Variants in CADM2 observed in about 807,000 individuals in gnomAD.
CADM2 encodes immunoglobulin superfamily member 4D.
In CADM2, 12 loss-of-function variants were observed where a neutral mutation model predicts 49.8. The ratio of observed to expected loss-of-function variants is 0.24; its 90% CI spans 0.15 to 0.39. The LOEUF is 0.39. CADM2 is among the 10% of genes least tolerant of loss of function. The pLI is 1.00. For synonymous variants in CADM2, 214 were observed against 175.4 expected (o/e 1.22, Z -1.74); for missense variants, 378 against 492.3 (o/e 0.77, Z 2.20).
intron 1 of CADM2, among the ~76,000 whole-genome samples, chr3:85,042,851 G>A (rs1298345502): frequency 6.6e-6 from 1 of 152,072 alleles, no homozygotes; most frequent in East Asian, 1.9e-4. Flanking sequence ...CTTTGGTTGA[G>A]TCTAAGAACC....
chr3:85,239,003 A>T (rs145099410), intron 1 of CADM2, among the ~76,000 whole-genome samples: 1 of 151,810 alleles, frequency 6.6e-6, no homozygotes, highest in East Asian at 1.9e-4. Context: ...TTGAAGTGTT[A>T]TATGCTTTTT....
intron 1 of CADM2, among the ~76,000 whole-genome samples, chr3:85,288,812 G>T (rs2043703590): frequency 1.6e-5 from 2 of 128,342 alleles, no homozygotes; most frequent in Admixed American, 1.1e-4. Context: ...TTTCCATCAT[G>T]GCTAATTTCT....
At chr3:85,446,028 A>G (rs180976928) in intron 1 of CADM2, among the ~76,000 whole-genome samples, 2 of 152,268 alleles carry the variant, frequency 1.3e-5, no homozygotes, top group East Asian at 3.9e-4. Flanking sequence ...AGGTGTATGT[A>G]CACTAGATAG....
intron 6 of CADM2, among the ~76,000 whole-genome samples, chr3:85,933,780 C>T (rs1720878243): frequency 6.6e-6 from 1 of 152,036 alleles, no homozygotes; most frequent in South Asian, 2.1e-4. Flanking sequence ...CCCAAGGTTT[C>T]CATTCTATTC....
intron 4 of CADM2, among the ~76,000 whole-genome samples, chr3:85,884,955 CG>C (rs1713363409): frequency 6.7e-6 from 1 of 149,070 alleles, no homozygotes; most frequent in African/African-American, 2.5e-5. Flanking sequence ...AAGATGGTCT[CG>C]ATCACTTGAC....
Position 84,959,077 on chromosome 3 carries a change from C to T in CADM2, c.-531C>T. ...GGAGCCGCCACTGCCGCCGCCGCTG[C>T]CGCTGCTACCGCCACTAGCGCTGCT... On this transcript the variant is annotated 5_prime_UTR_variant, in exon 1 of 10. Transcript: ENST00000383699. 5.0e-6 allele frequency: 1 copy of T among 201,374 alleles called. No individual in the cohort carries two copies. The highest frequency in any genetic ancestry group is 1.0e-5 in the Non-Finnish European group (1 of 100,290). The allele number at this position is 201,374 out of a possible 1,614,324, so 12.5% of individuals were successfully genotyped here.
chr3:85,022,969 T>G (rs1444766826), intron 1 of CADM2, among the ~76,000 whole-genome samples: 1 of 152,086 alleles, frequency 6.6e-6, no homozygotes, highest in Non-Finnish European at 1.5e-5. Flanking sequence ...ATACAAGTCT[T>G]TATAGTTATG....
At chr3:85,324,403 G>T (rs940204967) in intron 1 of CADM2, among the ~76,000 whole-genome samples, 1 of 152,090 alleles carries the variant, frequency 6.6e-6, no homozygotes, top group Non-Finnish European at 1.5e-5. Flanking sequence ...TCTTCTTAAT[G>T]ATTGTATCAA....
intron 1 of CADM2, among the ~76,000 whole-genome samples, chr3:85,719,252 C>A (rs1254716692): frequency 6.6e-6 from 1 of 152,238 alleles, no homozygotes; most frequent in East Asian, 1.9e-4. Context: ...ATGCAATTAT[C>A]AATGGGTAGC....
At chr3:85,453,822 TCA>T (rs2037864790) in intron 1 of CADM2, among the ~76,000 whole-genome samples, 1 of 152,160 alleles carries the variant, frequency 6.6e-6, no homozygotes, top group African/African-American at 2.4e-5. Context: ...AAACTAATAG[TCA>T]CAATTTTTGC....
intron 1 of CADM2, among the ~76,000 whole-genome samples, chr3:84,966,003 G>A (rs1030868668): frequency 6.6e-6 from 1 of 152,096 alleles, no homozygotes; most frequent in African/African-American, 2.4e-5. Context: ...CAGATAAAAG[G>A]AACTAACGTA....
At chr3:85,032,773 C>T (rs761937172) in intron 1 of CADM2, among the ~76,000 whole-genome samples, 1 of 152,010 alleles carries the variant, frequency 6.6e-6, no homozygotes, top group Non-Finnish European at 1.5e-5. Context: ...ACTATACGAG[C>T]ATTCCTGCAT....
At chr3:85,811,501 C>G (rs1458736411) in intron 3 of CADM2, among the ~76,000 whole-genome samples, 1 of 152,194 alleles carries the variant, frequency 6.6e-6, no homozygotes, top group African/African-American at 2.4e-5. Context: ...TCGCAGCTCA[C>G]TGATATTTGA....
chr3:85,584,454 G>T (rs2062881362), intron 1 of CADM2, among the ~76,000 whole-genome samples: 1 of 151,998 alleles, frequency 6.6e-6, no homozygotes, highest in Non-Finnish European at 1.5e-5. Context: ...GAAATTCGAA[G>T]ACTTAACTAC....
chr3:85,674,646 C>G (rs4129298), intron 1 of CADM2, among the ~76,000 whole-genome samples: 41,964 of 151,996 alleles, frequency 0.28, 5,869 homozygotes, highest in South Asian at 0.35. Flanking sequence ...TTCTCATACT[C>G]TATGACAGAC....
intron 1 of CADM2, among the ~76,000 whole-genome samples, chr3:85,564,682 T>C (rs556337184): frequency 2.9e-4 from 44 of 152,188 alleles, no homozygotes; most frequent in African/African-American, 9.9e-4. Flanking sequence ...TGTCTTTCTA[T>C]AAACCAGAAG....
In CADM2 at chr3:85,708,131, G is replaced by C. The variant is rs563211089; in HGVS notation, c.62-18391G>C. Among the ~76,000 whole-genome samples, 69 of 152,130 alleles carry C rather than the reference G, an allele frequency of 4.5e-4. 1 individual carries two copies. Among genetic ancestry groups the C allele is most frequent in the African/African-American group, 1.6e-3 (68 of 41,530 alleles). On this transcript the variant is annotated intron_variant, in intron 1 of 9. Transcript: ENST00000383699. ...GATATCTTTCTGTAAAATACCTATG[G>C]TTTAATATATTTCTTATGCTGTAAA...
At chr3:86,039,524 C>T (rs555141349) in intron 8 of CADM2, among the ~76,000 whole-genome samples, 21 of 152,122 alleles carry the variant, frequency 1.4e-4, no homozygotes, top group South Asian at 2.1e-4. Flanking sequence ...AAGGTGGCAG[C>T]GAGGCTGGGG....
intron 7 of CADM2, among the ~76,000 whole-genome samples, chr3:85,958,077 A>G (rs1037398232): frequency 6.6e-5 from 10 of 152,020 alleles, no homozygotes; most frequent in African/African-American, 1.9e-4. Flanking sequence ...TAGAATCTAC[A>G]AGGAGCTTAA....
Sources: allele counts gnomAD v4.1 joint callset (sites outside exome capture counted in the v4.1 genomes callset), GRCh38; gene constraint gnomAD v4.1.1; transcripts MANE v1.5; gene names NCBI Gene and HGNC (gene_info 2026-07-23, HGNC 2026-07-21).